The following WARS2 variants were observed in gnomAD, a reference collection of about 807,000 sequenced individuals.
The protein encoded by WARS2 is tryptophan--tRNA ligase, mitochondrial.
A neutral mutation model predicts 36.5 loss-of-function variants in WARS2; 28 were observed. That is an observed-to-expected ratio of 0.77 (90% CI 0.57 to 1.05). WARS2 has a LOEUF of 1.05. Among genes scored for constraint, WARS2 ranks in the 50% least tolerant of loss-of-function variants. The pLI, the probability that WARS2 is intolerant of heterozygous loss-of-function variation, is 0.00. For synonymous variants in WARS2, 174 were observed against 178.4 expected (o/e 0.98, Z 0.20); for missense variants, 435 against 456.8 (o/e 0.95, Z 0.44).
At chr1:119,073,081 G>A (rs111634517) in intron 2 of WARS2, among the ~76,000 whole-genome samples, 10 of 151,462 alleles carry the variant, frequency 6.6e-5, no homozygotes, top group South Asian at 2.1e-4. Context: ...CCAGGAATTC[G>A]AAGTTGCAGT....
chr1:119,140,623 T>C lies in WARS2; in HGVS notation c.22A>G (p.Lys8Glu). The part of the protein sequence containing the change: MALHSMR[K>E]ARERWSFIRA... ...ATGAAGCTCCAGCGCTCACGCGCTT[T>C]CCGCATTGAGTGCAGCGCCATCTTG... The change falls in exon 1 of 6, where the codon AAA becomes GAA. Residue 8 changes from lysine (K) to glutamate (E), a missense_variant. Lys to Glu is a moderately conservative substitution (Grantham distance 56). Transcript: ENST00000235521. The C allele has an allele frequency of 6.2e-7, 1 of 1,613,860 alleles. No individual in the cohort carries two copies. The highest frequency in any genetic ancestry group is 8.5e-7 in the Non-Finnish European group (1 of 1,179,844).
At chr1:119,105,993 T>C (rs907636923) in intron 1 of WARS2, among the ~76,000 whole-genome samples, 1 of 152,104 alleles carries the variant, frequency 6.6e-6, no homozygotes. Context: ...GAGTACTAAA[T>C]ATTGACTATT....
At chr1:119,085,635 A>G in intron 1 of WARS2, 1 of 1,434,342 alleles carries the variant, frequency 7.0e-7, no homozygotes, top group Non-Finnish European at 9.8e-7. Context: ...ATCCACTCGG[A>G]TAGTTCTTCC....
chr1:119,082,745 C>T (rs1652298050), intron 1 of WARS2, among the ~76,000 whole-genome samples: 1 of 152,184 alleles, frequency 6.6e-6, no homozygotes. Flanking sequence ...GCTGGAGCCA[C>T]AATTCAGAAC....
At chr1:119,127,064 A>G (rs1374401640) in intron 1 of WARS2, 3 of 762,642 alleles carry the variant, frequency 3.9e-6, no homozygotes, top group Non-Finnish European at 7.1e-6. Context: ...CAACTTCATC[A>G]TTCTGCAAAT....
chr1:119,134,710 T>C (rs1656368008), intron 1 of WARS2, among the ~76,000 whole-genome samples: 1 of 152,230 alleles, frequency 6.6e-6, no homozygotes, highest in African/African-American at 2.4e-5. Context: ...TCTCTGTGCC[T>C]ATAAATTATC....
chr1:119,074,598 T>G (rs916184295), intron 2 of WARS2, among the ~76,000 whole-genome samples: 1 of 152,186 alleles, frequency 6.6e-6, no homozygotes, highest in African/African-American at 2.4e-5. Flanking sequence ...CTTTTAAAGA[T>G]CAGATTCTAT....
intron 1 of WARS2, chr1:119,085,573 T>C (rs1207966807): frequency 6.3e-7 from 1 of 1,592,678 alleles, no homozygotes; most frequent in Non-Finnish European, 8.6e-7. Flanking sequence ...AGCTCTTTGG[T>C]CACATCATCC....
chr1:119,033,173 T>C lies in WARS2; in HGVS notation c.821A>G (p.Asn274Ser), dbSNP rs1163878866. ...YDPAGRAGVS[N>S]IVAVHAAVTG... ...CACCGCGGCATGCACCGCCACTATG[T>C]TGGACACGCCAGCGCGGCCAGCCGG... The change falls in exon 6 of 6, where the codon AAC becomes AGC. Residue 274 changes from asparagine to serine, a missense_variant. Asn to Ser is a conservative substitution (Grantham distance 46). Coordinates refer to ENST00000235521, the MANE Select transcript of WARS2 (RefSeq NM_015836.4). 3.1e-6 allele frequency: 5 copies of C among 1,614,102 alleles called. No individual in the cohort carries two copies. The highest frequency in any genetic ancestry group is 4.2e-6 in the Non-Finnish European group (5 of 1,180,048).
rs151261218 is a variant in WARS2, at chr1:119,046,005, ACTCT to A, written c.349-347_349-344del. Among the ~76,000 whole-genome samples, 103 of 151,090 alleles carry A rather than the reference ACTCT, an allele frequency of 6.8e-4. 1 individual carries two copies. The highest frequency in any genetic ancestry group is 2.9e-3 in the East Asian group (15 of 5,136). On this transcript the variant is annotated intron_variant, in intron 2 of 5. Coordinates refer to ENST00000235521, the MANE Select transcript of WARS2 (RefSeq NM_015836.4). The stretch of plus-strand genomic sequence containing the variant: ...AAGCTTATTAAGAAGGCACACACAC[ACTCT>A]CTCTCTCTCTATCACACACTCACAT...
chr1:119,138,929 G>GC (rs1402480147), intron 1 of WARS2, among the ~76,000 whole-genome samples: 1 of 152,126 alleles, frequency 6.6e-6, no homozygotes, highest in African/African-American at 2.4e-5. Context: ...TTTTTCTTTA[G>GC]CATTTATAAT....
At chr1:119,051,303 G>A (rs1192686863) in intron 2 of WARS2, among the ~76,000 whole-genome samples, 1 of 152,102 alleles carries the variant, frequency 6.6e-6, no homozygotes, top group Non-Finnish European at 1.5e-5. Context: ...CCATTCCTGT[G>A]TTAGTTTGCT....
chr1:119,049,399 G>A (rs1208822118), intron 2 of WARS2, among the ~76,000 whole-genome samples: 7 of 152,138 alleles, frequency 4.6e-5, no homozygotes, highest in Non-Finnish European at 1.0e-4. Context: ...CTTAATTGCT[G>A]ACACCCAGGT....
At chr1:119,076,766 T>C (rs1057435517) in intron 1 of WARS2, among the ~76,000 whole-genome samples, 159 bp from the exon 2 acceptor site, 7 of 152,180 alleles carry the variant, frequency 4.6e-5, no homozygotes, top group Non-Finnish European at 8.8e-5. Flanking sequence ...TAAATCACTA[T>C]GCTAGGTGCT....
chr1:119,053,684 C>A (rs1279602994), intron 2 of WARS2, among the ~76,000 whole-genome samples: 2 of 152,116 alleles, frequency 1.3e-5, no homozygotes, highest in Admixed American at 1.3e-4. Context: ...AAAAAGGCAA[C>A]CTATAAAATG....
intron 1 of WARS2, among the ~76,000 whole-genome samples, chr1:119,128,394 C>T (rs1052471506): frequency 1.3e-5 from 2 of 152,012 alleles, no homozygotes; most frequent in Non-Finnish European, 2.9e-5. Context: ...TACCATGTCA[C>T]TATCTTGCTC....
intron 3 of WARS2, 66 bp from the exon 4 acceptor site, chr1:119,042,415 TA>T (rs1188289704): frequency 8.4e-5 from 122 of 1,453,246 alleles, no homozygotes; most frequent in Non-Finnish European, 1.1e-4. Flanking sequence ...ATTATACTGC[TA>T]GATTAAGAAA....
At chr1:119,075,302 T>C (rs1557962183) in intron 2 of WARS2, among the ~76,000 whole-genome samples, 3 of 152,140 alleles carry the variant, frequency 2.0e-5, no homozygotes, top group Admixed American at 2.0e-4. Flanking sequence ...TTATAAGTAA[T>C]GTAGAGATGG....
intron 1 of WARS2, among the ~76,000 whole-genome samples, chr1:119,101,754 G>A (rs1383309566): frequency 6.6e-6 from 1 of 152,070 alleles, no homozygotes; most frequent in African/African-American, 2.4e-5. Flanking sequence ...GGAACATTCT[G>A]ATGAGGACAC....
Sources: gnomAD v4.1 joint callset for allele counts (sites outside exome capture counted in the v4.1 genomes callset) on GRCh38, gnomAD v4.1.1 for gene constraint, MANE v1.5 for transcripts, NCBI Gene and HGNC (gene_info 2026-07-23, HGNC 2026-07-21) for gene names.